UGT1A5: variants seen among roughly 807,000 people sequenced by gnomAD.
The protein encoded by UGT1A5 is UDP-glucuronosyltransferase 1A5.
UGT1A5 carries 29 observed loss-of-function variants against 40.3 expected under a neutral mutation model. The observed-to-expected ratio is 0.72, with a 90% CI of 0.54 to 0.98. UGT1A5 has a LOEUF of 0.98. Among genes scored for constraint, UGT1A5 ranks in the 50% least tolerant of loss-of-function variants. The pLI is 0.00. For synonymous variants in UGT1A5, 257 were observed against 262.5 expected, an observed-to-expected ratio of 0.98 and a Z score of 0.20; for missense variants, 678 against 677.9, an observed-to-expected ratio of 1.00 and a Z score of 0.00.
At chr2:233,754,323 G>A (rs1357745204) in intron 1 of UGT1A5, 2 of 247,114 alleles carry the variant, frequency 8.1e-6, no homozygotes, top group Non-Finnish European at 1.6e-5. Flanking sequence ...GTCTGCCTCA[G>A]GCTTAAGTTT....
chr2:233,726,607 G>C (rs2077545440), intron 1 of UGT1A5, among the ~76,000 whole-genome samples: 1 of 152,126 alleles, frequency 6.6e-6, no homozygotes, highest in Non-Finnish European at 1.5e-5. Context: ...TGATTACACT[G>C]TCCTGCCCAG....
chr2:233,765,544 G>A (rs148810143), intron 1 of UGT1A5, among the ~76,000 whole-genome samples: 5,118 of 152,186 alleles, frequency 0.034, 277 homozygotes, highest in African/African-American at 0.12. Context: ...CTCATAAGTG[G>A]GAGTTGAACA....
intron 1 of UGT1A5, chr2:233,729,873 C>G: frequency 2.5e-6 from 4 of 1,613,864 alleles, no homozygotes; most frequent in Non-Finnish European, 3.4e-6. Context: ...TGGATATTCT[C>G]AGTCATGCAT....
intron 1 of UGT1A5, among the ~76,000 whole-genome samples, chr2:233,756,623 G>A (rs1327328388): frequency 6.6e-6 from 1 of 152,146 alleles, no homozygotes; most frequent in East Asian, 1.9e-4. Flanking sequence ...CTTGCAGGCC[G>A]TGTGTATAGC....
chr2:233,714,057 A>C (rs2076363113), intron 1 of UGT1A5, among the ~76,000 whole-genome samples, 199 bp downstream of exon 1: 1 of 152,148 alleles, frequency 6.6e-6, no homozygotes, highest in African/African-American at 2.4e-5. Context: ...GGCCACTGAG[A>C]GGAAGGAGAG....
At chr2:233,738,810 A>G (rs1410873326) in intron 1 of UGT1A5, 1 of 152,272 alleles carries the variant, frequency 6.6e-6, no homozygotes. Flanking sequence ...CTAGCTAAAG[A>G]AATTTGAATA....
At position 233,772,972 on chromosome 2, in the gene UGT1A5, C is replaced by A; in HGVS notation, c.*413C>A. The A allele has an allele frequency of 3.3e-6, 1 of 304,366 alleles. No homozygotes were observed. The highest frequency in any genetic ancestry group is 6.3e-6 in the Non-Finnish European group (1 of 158,956). 18.9% of individuals were successfully genotyped at this position (304,366 alleles called of 1,614,324 possible). On this transcript the variant is annotated 3_prime_UTR_variant, in exon 5 of 5. Transcript: ENST00000373414. ...CAGATGGTTGCAATTGATCCTTAAC[C>A]AATAATGGTCAGTCCTCATCTCTGT...
intron 1 of UGT1A5, chr2:233,743,488 G>A: frequency 1.5e-6 from 2 of 1,367,106 alleles, no homozygotes; most frequent in African/African-American, 3.0e-5. Context: ...TTCACTGAAG[G>A]CAGAGAAAAG....
chr2:233,766,981 G>A, intron 1 of UGT1A5, 53 bp from the exon 2 acceptor site: 1 of 1,612,648 alleles, frequency 6.2e-7, no homozygotes, highest in Non-Finnish European at 8.5e-7. Flanking sequence ...ACTGTATGTA[G>A]TCATCAAAGA....
intron 1 of UGT1A5, chr2:233,718,866 C>A: frequency 4.3e-6 from 7 of 1,613,892 alleles, no homozygotes; most frequent in Non-Finnish European, 5.9e-6. Context: ...GGCCACAGGA[C>A]TGCTGCTCCT....
In UGT1A5 at chr2:233,768,366, G is replaced by T. The variant is rs36076514; in HGVS notation, c.1234G>T (p.Val412Leu). The T allele has an allele frequency of 5.0e-5, 80 of 1,614,062 alleles. No homozygotes were observed. The Admixed American group carries it at 1.3e-3, about 26-fold the overall frequency. The part of the protein sequence containing the change: ...AKRMETKGAG[V>L]TLNVLEMTSE... ...GCGCATGGAGACTAAGGGAGCTGGA[G>T]TGACCCTGAATGTTCTGGAAATGAC... The change falls in exon 4 of 5, where the codon GTG becomes TTG. Residue 412 changes from valine (V) to leucine (L), a missense_variant. Val to Leu is a conservative substitution (Grantham distance 32). Transcript: ENST00000373414.
At position 233,732,958 on chromosome 2, in the gene UGT1A5, C is replaced by T. The variant is rs75520741; in HGVS notation, c.867+19100C>T. Among the ~76,000 whole-genome samples, 102 of 152,154 alleles carry T rather than the reference C, an allele frequency of 6.7e-4. 1 individual carries two copies. Among genetic ancestry groups the T allele is most frequent in the Non-Finnish European group, 1.2e-3 (82 of 67,996 alleles). ...TATCCATGAGCATGGAATGTTCTTC[C>T]ATTTGTTTGTGTCTTCTTTTATTTC... On this transcript the variant is annotated intron_variant, in intron 1 of 4. Coordinates refer to ENST00000373414, the MANE Select transcript of UGT1A5 (RefSeq NM_019078.2).
chr2:233,759,810 A>G (rs1374483209), intron 1 of UGT1A5, among the ~76,000 whole-genome samples: 1 of 152,220 alleles, frequency 6.6e-6, no homozygotes, highest in Non-Finnish European at 1.5e-5. Flanking sequence ...GTGAGCAGGC[A>G]GTACCGGGGG....
chr2:233,768,725 G>T (rs933444797), intron 4 of UGT1A5, among the ~76,000 whole-genome samples: 1 of 151,378 alleles, frequency 6.6e-6, no homozygotes, highest in African/African-American at 2.4e-5. Context: ...TGGGATTACA[G>T]GTGTCCACCA....
intron 1 of UGT1A5, chr2:233,744,049 A>C: frequency 1.3e-4 from 90 of 678,678 alleles, no homozygotes; most frequent in Non-Finnish European, 1.7e-4. Flanking sequence ...GCCACATCTC[A>C]TTGGTCGAGG....
chr2:233,721,930 C>T (rs557972236), intron 1 of UGT1A5: 22 of 377,682 alleles, frequency 5.8e-5, no homozygotes, highest in South Asian at 4.7e-4. Flanking sequence ...AAGTGACATC[C>T]TTCAGACACT....
At chr2:233,767,553 A>C (rs1463279318) in intron 2 of UGT1A5, among the ~76,000 whole-genome samples, 1 of 152,268 alleles carries the variant, frequency 6.6e-6, no homozygotes, top group Non-Finnish European at 1.5e-5. Flanking sequence ...ATAGTTCTGC[A>C]TCCACTTGTT....
chr2:233,750,659 G>C (rs1224813107), intron 1 of UGT1A5: 1 of 143,478 alleles, frequency 7.0e-6, no homozygotes, highest in Non-Finnish European at 1.5e-5. Context: ...AGGACTTGGT[G>C]CCCTGTGTCC....
intron 1 of UGT1A5, among the ~76,000 whole-genome samples, chr2:233,744,613 C>G (rs1692866168): frequency 6.6e-6 from 1 of 151,808 alleles, no homozygotes; most frequent in South Asian, 2.1e-4. Context: ...GTACTTGGCT[C>G]TATAGAGAGG....
Sources: gnomAD v4.1 joint callset for allele counts (sites outside exome capture counted in the v4.1 genomes callset) on GRCh38, gnomAD v4.1.1 for gene constraint, MANE v1.5 for transcripts, NCBI Gene and HGNC (gene_info 2026-07-23, HGNC 2026-07-21) for gene names.